The following CR1 variants were observed in gnomAD, a reference collection of about 807,000 sequenced individuals.
The protein encoded by CR1 is complement C3b/C4b receptor 1 (Knops blood group), also known as complement receptor type 1.
In CR1, 116 loss-of-function variants were observed where a neutral mutation model predicts 187.3. The ratio of observed to expected loss-of-function variants is 0.62; its 90% confidence interval spans 0.53 to 0.72. CR1 has a LOEUF of 0.72. CR1 is among the 30% of genes least tolerant of loss of function. The pLI, the probability that CR1 is intolerant of heterozygous loss-of-function variation, is 0.00. For synonymous variants in CR1, 576 were observed against 747.1 expected, an observed-to-expected ratio of 0.77 and a Z score of 3.73; for missense variants, 1,731 against 2,110.7, an observed-to-expected ratio of 0.82 and a Z score of 3.52.
At chr1:207,502,294 G>C (rs1213048973) in intron 1 of CR1, among the ~76,000 whole-genome samples, 1 of 152,254 alleles carries the variant, frequency 6.6e-6, no homozygotes, top group Middle Eastern at 3.4e-3. Flanking sequence ...TGATATGAAA[G>C]GAAAAGCAAA....
intron 2 of CR1, 32 bp from the exon 3 acceptor site, chr1:207,506,682 C>A (rs750907156): frequency 6.3e-7 from 1 of 1,598,888 alleles, no homozygotes; most frequent in Non-Finnish European, 8.6e-7. Flanking sequence ...GTTTACTCTA[C>A]TTGGCTCCAA....
chr1:207,610,573 C>G (rs1470300590), intron 37 of CR1, among the ~76,000 whole-genome samples: 3 of 152,150 alleles, frequency 2.0e-5, no homozygotes, highest in East Asian at 3.8e-4. Context: ...CTCAAGCAAT[C>G]CTCCTGCCTC....
chr1:207,605,525 G>GT (rs34960892), intron 35 of CR1, among the ~76,000 whole-genome samples: 1 of 151,824 alleles, frequency 6.6e-6, no homozygotes, highest in Non-Finnish European at 1.5e-5. Context: ...TATTCACTGT[G>GT]TTTTTTTCAG....
Position 207,496,490 on chromosome 1 carries a change from C to A in CR1, c.121+102C>A, listed in dbSNP as rs1283655019. On this transcript the variant is annotated intron_variant, in intron 1 of 46. Coordinates refer to ENST00000367049, the MANE Select transcript of CR1 (RefSeq NM_000651.6). ...GCTGAGCTGCGCTGCTCTGCGCGCCCGGGTCCGAAGGCAGCGCGATGGGTG... is the reference window on the plus strand; with the variant it reads ...GCTGAGCTGCGCTGCTCTGCGCGCCAGGGTCCGAAGGCAGCGCGATGGGTG... 4.0e-6 allele frequency: 5 copies of A among 1,262,300 alleles called. No individual in the cohort carries two copies. In the East Asian group the frequency reaches 8.4e-5, roughly 21 times the overall value. The allele number at this position is 1,262,300 out of a possible 1,614,324, so 78.2% of individuals were successfully genotyped here. A position where few individuals can be genotyped will look rare whatever the true frequency, so the allele number is the denominator to read the frequency against.
intron 35 of CR1, among the ~76,000 whole-genome samples, chr1:207,599,928 A>C (rs1661555315): frequency 6.6e-6 from 1 of 152,244 alleles, no homozygotes; most frequent in Non-Finnish European, 1.5e-5. Context: ...GTGCAACTTA[A>C]GCATATAACT....
rs375736945 is a variant in CR1 at position 207,523,801 on chromosome 1, C to A, written c.678C>A (p.Ser226Arg). The A allele has an allele frequency of 1.2e-6, 2 of 1,611,734 alleles. No individual in the cohort carries two copies. Among genetic ancestry groups the A allele is most frequent in the African/African-American group, 1.3e-5 (1 of 74,834 alleles). The change falls in exon 5 of 47, where the codon AGC (serine) becomes AGA (arginine). Residue 226 changes from serine (S) to arginine (R), a missense_variant. Ser to Arg is a moderately radical substitution (Grantham distance 110). Around this residue, in one of 5 missense-constraint regions of CR1, gnomAD observed 131 missense variants for 196.8 expected, o/e 0.67. Transcript: ENST00000367049. Reference sequence around the variant, plus strand: ...ATGACGATCAAGTGGGCATCTGGAGCGGCCCCGCCCCTCAGTGCATTATAC... The same window carrying A: ...ATGACGATCAAGTGGGCATCTGGAGAGGCCCCGCCCCTCAGTGCATTATAC... ...TSNDDQVGIW[S>R]GPAPQCIIPN...
intron 45 of CR1, among the ~76,000 whole-genome samples, chr1:207,623,988 C>G (rs935120315): frequency 7.6e-6 from 1 of 130,894 alleles, no homozygotes; most frequent in Non-Finnish European, 1.5e-5. Context: ...TGCAGTGGCA[C>G]GATCTTGGCT....
chr1:207,618,912 G>A lies in CR1; in HGVS notation c.7066+665G>A, dbSNP rs1025711712. ...AAAAATTAGCTGGGTGGTGGTGCGC[G>A]CCTATAGTCCCAGCTACTCGTGAGG... On this transcript the variant is annotated intron_variant, in intron 42 of 46. Transcript: ENST00000367049. Among the ~76,000 whole-genome samples the A allele has an allele frequency of 4.0e-5, 6 of 149,732 alleles. 1 individual carries two copies. In the South Asian group the frequency reaches 8.5e-4, roughly 21 times the overall value.
intron 36 of CR1, among the ~76,000 whole-genome samples, chr1:207,608,194 A>C (rs1265564987): frequency 6.6e-6 from 1 of 152,238 alleles, no homozygotes; most frequent in Non-Finnish European, 1.5e-5. Flanking sequence ...TAGTAGAAGA[A>C]ATAAGGCATA....
At chr1:207,627,299 C>G (rs550199710) in intron 45 of CR1, among the ~76,000 whole-genome samples, 1 of 152,146 alleles carries the variant, frequency 6.6e-6, no homozygotes, top group Non-Finnish European at 1.5e-5. Flanking sequence ...TTTATTCTCT[C>G]TCTCCCTCCA....
intron 3 of CR1, chr1:207,507,287 T>C (rs1659470638): frequency 6.5e-6 from 1 of 152,926 alleles, no homozygotes; most frequent in South Asian, 2.1e-4. Context: ...AAGTGCAAAA[T>C]CAAGGTGTTG....
chr1:207,639,952 T>C lies in CR1; in HGVS notation c.*543T>C, dbSNP rs772454379. 219 of 152,956 alleles carry C rather than the reference T, an allele frequency of 1.4e-3. 1 individual carries two copies. Among genetic ancestry groups the C allele is most frequent in the Non-Finnish European group, 2.0e-3 (137 of 68,506 alleles). The allele number at this position is 152,956 out of a possible 1,614,324, so 9.5% of individuals were successfully genotyped here. A position where few individuals can be genotyped will look rare whatever the true frequency, so the allele number is the denominator to read the frequency against. On this transcript the variant is annotated 3_prime_UTR_variant, in exon 47 of 47. Transcript: ENST00000367049. ...TTCCCCCTTAGTTTGTTTCCTTTTATTTTATAGAGCAGAACCCTAGTCTTT... is the reference window on the plus strand; with the variant it reads ...TTCCCCCTTAGTTTGTTTCCTTTTACTTTATAGAGCAGAACCCTAGTCTTT...
chr1:207,589,467 C>G (rs1261613023), intron 35 of CR1, among the ~76,000 whole-genome samples: 2 of 152,146 alleles, frequency 1.3e-5, no homozygotes, highest in Non-Finnish European at 2.9e-5. Context: ...TCACCAACAT[C>G]AAAGACCAAT....
rs201540700 is a variant in CR1 at position 207,523,840 on chromosome 1, G to A, written c.717G>A (p.Thr239=). The A allele has an allele frequency of 2.2e-4, 358 of 1,611,226 alleles. 2 individuals are homozygous for A. The East Asian group carries it at 7.2e-3, about 32-fold the overall frequency. The change falls in exon 5 of 47, where the codon ACG becomes ACA. Residue 239 remains threonine, a synonymous_variant. Transcript: ENST00000367049. ...AGTGCATTATACCTAACAAATGCAC[G>A]CCTCCAAATGTGGAAAATGGAATAT... ...APQCIIPNKC[T]PPNVENGILV...
chr1:207,596,041 A>ATATATCTATATCTATATATATC (rs932777803), intron 35 of CR1, among the ~76,000 whole-genome samples: 2 of 142,008 alleles, frequency 1.4e-5, no homozygotes, highest in South Asian at 2.4e-4. Flanking sequence ...TATAAAATCT[A>ATATATCTATATCTATATATATC]TATATCTATA....
intron 37 of CR1, 55 bp from the exon 38 acceptor site, chr1:207,611,622 A>T: frequency 6.2e-7 from 1 of 1,601,104 alleles, no homozygotes; most frequent in Non-Finnish European, 8.5e-7. Flanking sequence ...CATAAGATAT[A>T]ACAAAGGAAA....
intron 39 of CR1, among the ~76,000 whole-genome samples, chr1:207,612,968 A>G (rs1661978692): frequency 6.6e-6 from 1 of 152,176 alleles, no homozygotes; most frequent in Admixed American, 6.5e-5. Flanking sequence ...AGCTCTGTCA[A>G]TCCTGTCGCC....
chr1:207,615,327 T>C (rs1662061080), intron 40 of CR1, among the ~76,000 whole-genome samples: 1 of 152,122 alleles, frequency 6.6e-6, no homozygotes, highest in Admixed American at 6.5e-5. Flanking sequence ...AATAAATAAG[T>C]AAACAAAATT....
At chr1:207,623,803 C>T (rs1301777860) in intron 45 of CR1, among the ~76,000 whole-genome samples, 1 of 150,638 alleles carries the variant, frequency 6.6e-6, no homozygotes, top group African/African-American at 2.4e-5. Context: ...GATTGGGTCA[C>T]TTATGGCACA....
Sources: gnomAD v4.1 joint callset for allele counts (sites outside exome capture counted in the v4.1 genomes callset) on GRCh38, gnomAD v4.1.1 for gene constraint, gnomAD v4.1.1 regional missense constraint, MANE v1.5 for transcripts, NCBI Gene and HGNC (gene_info 2026-07-23, HGNC 2026-07-21) for gene names.